LDB2: variants seen among roughly 807,000 people sequenced by gnomAD.
LDB2 encodes the protein LIM domain binding 2.
Under a neutral mutation model 44.3 loss-of-function variants are expected in LDB2, and 12 were observed. The ratio of observed to expected loss-of-function variants is 0.27; its 90% CI spans 0.17 to 0.44. The LOEUF (loss-of-function observed/expected upper bound fraction) is 0.44, where lower values mean the gene tolerates loss of function less well. Among genes scored for constraint, LDB2 ranks in the 20% least tolerant of loss-of-function variants. The pLI is 1.00. For missense variants in LDB2, 344 were observed against 473.5 expected (o/e 0.73, Z 2.54); for synonymous variants, 164 against 174.8 (o/e 0.94, Z 0.49).
At chr4:16,798,419 C>T (rs1777149194) in intron 1 of LDB2, among the ~76,000 whole-genome samples, 1 of 151,898 alleles carries the variant, frequency 6.6e-6, no homozygotes, top group South Asian at 2.1e-4. Flanking sequence ...GCAATAGGAC[C>T]CTGAGAATCC....
At position 16,507,435 on chromosome 4, in the gene LDB2, G is replaced by T. The variant is rs1719938957; in HGVS notation, c.891+1100C>A. Among the ~76,000 whole-genome samples the T allele has an allele frequency of 3.3e-5, 5 of 152,204 alleles. No homozygotes were observed. The South Asian group carries it at 1.0e-3, about 32-fold the overall frequency. On this transcript the variant is annotated intron_variant, in intron 7 of 7. Coordinates refer to ENST00000304523, the MANE Select transcript of LDB2 (RefSeq NM_001290.5). Reference sequence around the variant, plus strand: ...GGGGGCAGATGTGAAAGACACACTTGGAAGTAAGTGGGGAATCCCTGTGCG... The same window carrying T: ...GGGGGCAGATGTGAAAGACACACTTTGAAGTAAGTGGGGAATCCCTGTGCG...
At chr4:16,717,181 A>ATG (rs1560980480) in intron 2 of LDB2, among the ~76,000 whole-genome samples, 40 of 109,524 alleles carry the variant, frequency 3.7e-4, no homozygotes, top group Admixed American at 2.7e-3. Context: ...TAATAATAAT[A>ATG]ATAATAATGA....
intron 2 of LDB2, among the ~76,000 whole-genome samples, chr4:16,665,811 C>T (rs1455129461): frequency 4.6e-5 from 7 of 152,248 alleles, no homozygotes; most frequent in Non-Finnish European, 7.4e-5. Flanking sequence ...TGAGATCATC[C>T]CGGACTGGGG....
At position 16,609,354 on chromosome 4, in the gene LDB2, G is replaced by GA. The variant is rs1553923633; in HGVS notation, c.236-13480_236-13479insT. Among the ~76,000 whole-genome samples, 11 of 149,138 alleles carry GA rather than the reference G, an allele frequency of 7.4e-5. No homozygotes were observed. In the East Asian group the frequency reaches 2.3e-3, roughly 31 times the overall value. On this transcript the variant is annotated intron_variant, in intron 2 of 7. Transcript: ENST00000304523. ...ACTGAACTCCCAGGGGAGGGGGCGG[G>GA]GGGGGGAGGGGAAGGGCAACCAGCT... is the stretch of plus-strand genomic sequence containing the variant.
intron 1 of LDB2, among the ~76,000 whole-genome samples, chr4:16,772,180 G>A (rs1005681609): frequency 6.6e-6 from 1 of 152,034 alleles, no homozygotes; most frequent in African/African-American, 2.4e-5. Flanking sequence ...CAGCATCCTT[G>A]TCATCTTTGG....
intron 5 of LDB2, among the ~76,000 whole-genome samples, chr4:16,566,855 G>A (rs1369237758): frequency 1.3e-5 from 2 of 152,042 alleles, no homozygotes; most frequent in South Asian, 2.1e-4. Flanking sequence ...CAATTCACAA[G>A]AAAGAAAATA....
chr4:16,776,308 TTTG>T (rs1771893746), intron 1 of LDB2, among the ~76,000 whole-genome samples: 1 of 152,234 alleles, frequency 6.6e-6, no homozygotes, highest in Non-Finnish European at 1.5e-5. Flanking sequence ...GCTTTAGGAA[TTTG>T]TTGTTTACTG....
chr4:16,573,594 A>G (rs1747359927), intron 5 of LDB2, among the ~76,000 whole-genome samples: 1 of 152,212 alleles, frequency 6.6e-6, no homozygotes, highest in South Asian at 2.1e-4. Context: ...CATGGGCCAC[A>G]CTTTGAATAG....
At chr4:16,864,072 C>T (rs1713760241) in intron 1 of LDB2, among the ~76,000 whole-genome samples, 1 of 152,152 alleles carries the variant, frequency 6.6e-6, no homozygotes. Flanking sequence ...CCTACTCCCA[C>T]CTACCTGTAC....
chr4:16,721,209 T>C (rs972004386), intron 2 of LDB2, among the ~76,000 whole-genome samples: 2 of 152,186 alleles, frequency 1.3e-5, no homozygotes, highest in African/African-American at 2.4e-5. Context: ...TTTCCTTTTA[T>C]AGCCTCCCAT....
At chr4:16,671,617 A>T (rs1333413063) in intron 2 of LDB2, among the ~76,000 whole-genome samples, 1 of 152,166 alleles carries the variant, frequency 6.6e-6, no homozygotes, top group Non-Finnish European at 1.5e-5. Flanking sequence ...TCTGATGCCA[A>T]CATTGATGGG....
intron 2 of LDB2, among the ~76,000 whole-genome samples, chr4:16,721,672 T>C (rs2152683288): frequency 6.6e-6 from 1 of 152,254 alleles, no homozygotes; most frequent in African/African-American, 2.4e-5. Context: ...AGATGAAAAG[T>C]ACTTTGCTTC....
At chr4:16,754,559 G>A (rs932041143) in intron 2 of LDB2, among the ~76,000 whole-genome samples, 33 of 147,258 alleles carry the variant, frequency 2.2e-4, no homozygotes, top group Non-Finnish European at 4.5e-4. Flanking sequence ...ACAGAGTCTC[G>A]CTCTGTCACC....
chr4:16,527,491 C>T (rs942644657), intron 5 of LDB2, among the ~76,000 whole-genome samples: 4 of 152,054 alleles, frequency 2.6e-5, no homozygotes, highest in Admixed American at 2.6e-4. Context: ...GGAATGTAAA[C>T]TAGTAAAATC....
intron 5 of LDB2, among the ~76,000 whole-genome samples, chr4:16,568,470 A>G (rs1174488474): frequency 6.6e-6 from 1 of 152,224 alleles, no homozygotes; most frequent in Non-Finnish European, 1.5e-5. Context: ...AAGCATTTCA[A>G]TATAAGTGGC....
At chr4:16,799,563 T>A (rs1048561593) in intron 1 of LDB2, among the ~76,000 whole-genome samples, 2 of 152,234 alleles carry the variant, frequency 1.3e-5, no homozygotes, top group Admixed American at 6.5e-5. Flanking sequence ...CCTGCCAACC[T>A]GTAATCTGTG....
chr4:16,522,545 G>T (rs964007374), intron 5 of LDB2, among the ~76,000 whole-genome samples: 3 of 152,170 alleles, frequency 2.0e-5, no homozygotes, highest in African/African-American at 7.2e-5. Flanking sequence ...CAAAGGCTAT[G>T]TGCAAATACA....
chr4:16,625,683 A>G (rs1228581305), intron 2 of LDB2, among the ~76,000 whole-genome samples: 1 of 152,226 alleles, frequency 6.6e-6, no homozygotes, highest in East Asian at 1.9e-4. Flanking sequence ...GTTCTTGCAC[A>G]GAAAGCAGTT....
intron 2 of LDB2, among the ~76,000 whole-genome samples, chr4:16,650,788 T>C (rs1340642897): frequency 6.6e-6 from 1 of 152,180 alleles, no homozygotes; most frequent in African/African-American, 2.4e-5. Flanking sequence ...TGTCACAAAG[T>C]AGCCCCATTC....
Sources: allele counts gnomAD v4.1 joint callset (sites outside exome capture counted in the v4.1 genomes callset), GRCh38; gene constraint gnomAD v4.1.1; transcripts MANE v1.5; gene names NCBI Gene and HGNC (gene_info 2026-07-23, HGNC 2026-07-21).